RUNX1: variants seen among roughly 807,000 people sequenced by gnomAD.
The protein encoded by RUNX1 is runt-related transcription factor 1.
In RUNX1, 19 loss-of-function variants were observed where a neutral mutation model predicts 42.8. That is an observed-to-expected ratio of 0.44 (90% CI 0.31 to 0.65). The LOEUF is 0.65. RUNX1 is among the 30% of genes least tolerant of loss of function. The probability of loss-of-function intolerance (pLI) is 0.07; values close to 1 mark genes in which losing one functional copy is unlikely to be tolerated. For missense variants in RUNX1, 528 were observed against 672.0 expected, an observed-to-expected ratio of 0.79 and a Z score of 2.37; for synonymous variants, 271 against 289.4, an observed-to-expected ratio of 0.94 and a Z score of 0.64.
intron 2 of RUNX1, among the ~76,000 whole-genome samples, chr21:34,937,653 G>A (rs1601590336): frequency 1.3e-5 from 2 of 151,448 alleles, no homozygotes; most frequent in African/African-American, 2.4e-5. Context: ...TGGGGTTCTG[G>A]GCTCATCTTT....
chr21:34,825,644 G>A (rs553049872), intron 7 of RUNX1, among the ~76,000 whole-genome samples: 1 of 152,188 alleles, frequency 6.6e-6, no homozygotes, highest in Non-Finnish European at 1.5e-5. Flanking sequence ...CTGGTCAATG[G>A]TCTGATGTCC....
chr21:34,823,203 T>C (rs2056934447), intron 7 of RUNX1, among the ~76,000 whole-genome samples: 2 of 152,230 alleles, frequency 1.3e-5, no homozygotes, highest in Admixed American at 1.3e-4. Context: ...GAGGCTTGAC[T>C]CACAGATCTT....
In RUNX1 at chr21:34,964,927, C is replaced by T. The variant is rs566029184; in HGVS notation, c.59-71964G>A. On this transcript the variant is annotated intron_variant, in intron 2 of 8. Coordinates refer to ENST00000675419, the MANE Select transcript of RUNX1 (RefSeq NM_001754.5). ...ACACTCACACGCATGCACACTTATG[C>T]TTGCACCTATGTGCTTGTACACATG... 4.7e-4 allele frequency among the ~76,000 whole-genome samples: 72 copies of T among 152,238 alleles called. 1 individual carries two copies. The highest frequency in any genetic ancestry group is 1.7e-3 in the African/African-American group (71 of 41,530).
At chr21:34,865,715 C>T (rs569383011) in intron 5 of RUNX1, among the ~76,000 whole-genome samples, 24 of 152,278 alleles carry the variant, frequency 1.6e-4, no homozygotes, top group Admixed American at 5.2e-4. Context: ...AATAAAGCCA[C>T]GGCTGGAACC....
intron 2 of RUNX1, among the ~76,000 whole-genome samples, chr21:34,905,013 C>T (rs1032459334): frequency 6.6e-6 from 1 of 152,160 alleles, no homozygotes; most frequent in Non-Finnish European, 1.5e-5. Flanking sequence ...CCAGTGGGGG[C>T]TCCACTTTTA....
chr21:34,969,489 A>T (rs1601620496), intron 2 of RUNX1, among the ~76,000 whole-genome samples: 1 of 152,226 alleles, frequency 6.6e-6, no homozygotes, highest in East Asian at 1.9e-4. Flanking sequence ...AAAGGAAATG[A>T]AAAGAACTTT....
Position 35,040,756 on chromosome 21 carries a change from CTAG to C in RUNX1, c.58+8083_58+8085del, listed in dbSNP as rs1424643209. ...ACTGCACTCCAGCCTGGTGACAGAG[CTAG>C]TAGACTCCATCCAAAAAAAAAAAAA... On this transcript the variant is annotated intron_variant, in intron 2 of 8. Coordinates refer to ENST00000675419, the MANE Select transcript of RUNX1 (RefSeq NM_001754.5). Among the ~76,000 whole-genome samples the C allele has an allele frequency of 2.5e-3, 306 of 123,936 alleles. 3 individuals carry two copies. The highest frequency in any genetic ancestry group is 9.3e-3 in the African/African-American group (282 of 30,336). The allele number at this position is 123,936 out of a possible 152,430, so 81.3% of individuals were successfully genotyped here.
chr21:34,847,734 G>A (rs1333712292), intron 6 of RUNX1, among the ~76,000 whole-genome samples: 1 of 152,110 alleles, frequency 6.6e-6, no homozygotes, highest in Non-Finnish European at 1.5e-5. Flanking sequence ...CCTTTAATTG[G>A]AAAAAGATCA....
At chr21:34,814,534 A>G (rs928170113) in intron 7 of RUNX1, among the ~76,000 whole-genome samples, 2 of 152,202 alleles carry the variant, frequency 1.3e-5, no homozygotes, top group African/African-American at 4.8e-5. Context: ...TCTGTCTTTC[A>G]AGTGGATTAA....
At chr21:34,976,902 A>G (rs2058806350) in intron 2 of RUNX1, among the ~76,000 whole-genome samples, 1 of 152,304 alleles carries the variant, frequency 6.6e-6, no homozygotes, top group East Asian at 1.9e-4. Context: ...AAAACATAGC[A>G]GTGTGAGGGT....
Position 34,849,404 on chromosome 21 carries a change from T to A in RUNX1, c.613+10070A>T, listed in dbSNP as rs1213956461. ...ACATAGTATATATAATATATTATAC[T>A]ATATATAATATATTATATAGTATAT... is the stretch of plus-strand genomic sequence containing the variant. On this transcript the variant is annotated intron_variant, in intron 6 of 8. Transcript: ENST00000675419. Among the ~76,000 whole-genome samples, 3 of 40,066 alleles carry A rather than the reference T, an allele frequency of 7.5e-5. 1 individual carries two copies. Among genetic ancestry groups the A allele is most frequent in the African/African-American group, 2.7e-4 (3 of 11,102 alleles). 26.3% of individuals were successfully genotyped at this position (40,066 alleles called of 152,430 possible). A position where few individuals can be genotyped will look rare whatever the true frequency, so the allele number is the denominator to read the frequency against.
At chr21:35,004,765 A>G (rs1437864092) in intron 2 of RUNX1, among the ~76,000 whole-genome samples, 1 of 152,172 alleles carries the variant, frequency 6.6e-6, no homozygotes, top group Non-Finnish European at 1.5e-5. Flanking sequence ...GGCTCACAAG[A>G]GAGGCAGCTT....
In RUNX1 at chr21:34,843,547, C is replaced by T. The variant is rs1235401978; in HGVS notation, c.614-8946G>A. Among the ~76,000 whole-genome samples the T allele has an allele frequency of 6.6e-6, 1 of 152,120 alleles. No individual in the cohort carries two copies. Among genetic ancestry groups the T allele is most frequent in the African/African-American group, 2.4e-5 (1 of 41,420 alleles). On this transcript the variant is annotated intron_variant, in intron 6 of 8. Transcript: ENST00000675419. This position sits in a 1 kb window ranked among gnomAD's most constrained non-coding sequence, Gnocchi z 4.8. ...ACACACACACACCGTTCTGTGATCG[C>T]CCTCAGGACATGGGCCAAGACAAGT... is the stretch of plus-strand genomic sequence containing the variant.
chr21:34,959,294 G>A (rs2058667382), intron 2 of RUNX1, among the ~76,000 whole-genome samples: 2 of 152,082 alleles, frequency 1.3e-5, no homozygotes, highest in South Asian at 4.1e-4. Context: ...GAAGTGCACT[G>A]TGACTTTCCT....
intron 2 of RUNX1, among the ~76,000 whole-genome samples, chr21:35,017,717 T>C (rs1197633008): frequency 6.6e-6 from 1 of 152,200 alleles, no homozygotes; most frequent in Non-Finnish European, 1.5e-5. Flanking sequence ...GGAGTCTGTG[T>C]TAGCCATCTT....
chr21:34,903,489 C>A (rs955307311), intron 2 of RUNX1, among the ~76,000 whole-genome samples: 2 of 151,994 alleles, frequency 1.3e-5, no homozygotes, highest in Non-Finnish European at 2.9e-5. Context: ...AGCAGAATTC[C>A]TTAGAAAGGG....
At chr21:34,804,977 T>C (rs2056659584) in intron 7 of RUNX1, among the ~76,000 whole-genome samples, 1 of 152,084 alleles carries the variant, frequency 6.6e-6, no homozygotes, top group Non-Finnish European at 1.5e-5. Context: ...GGTCTCGAAC[T>C]CCTGACCCCA....
intron 2 of RUNX1, among the ~76,000 whole-genome samples, chr21:35,047,559 A>ACT (rs1271931704): frequency 9.0e-4 from 58 of 64,316 alleles, no homozygotes; most frequent in Non-Finnish European, 1.0e-3. Flanking sequence ...ACACACACAC[A>ACT]CACTCTCTCT....
intron 2 of RUNX1, among the ~76,000 whole-genome samples, chr21:34,908,288 T>C (rs947128840): frequency 6.6e-6 from 1 of 152,210 alleles, no homozygotes; most frequent in Non-Finnish European, 1.5e-5. Flanking sequence ...GGGTAACTAT[T>C]ATTAATCTTC....
Sources: gnomAD v4.1 joint callset for allele counts (sites outside exome capture counted in the v4.1 genomes callset) on GRCh38, gnomAD v4.1.1 for gene constraint, Gnocchi (gnomAD v3.1) non-coding constraint, MANE v1.5 for transcripts, NCBI Gene and HGNC (gene_info 2026-07-23, HGNC 2026-07-21) for gene names.